GPC6: variants seen among roughly 807,000 people sequenced by gnomAD.
GPC6 encodes the protein glypican-6.
A neutral mutation model predicts 55.2 loss-of-function variants in GPC6; 14 were observed. The ratio of observed to expected loss-of-function variants is 0.25; its 90% confidence interval spans 0.17 to 0.40. The LOEUF (loss-of-function observed/expected upper bound fraction) is 0.40, where lower values mean the gene tolerates loss of function less well. GPC6 is among the 10% of genes least tolerant of loss of function. The probability of loss-of-function intolerance (pLI) is 1.00; values close to 1 mark genes in which losing one functional copy is unlikely to be tolerated. For missense variants in GPC6, 641 were observed against 708.5 expected (o/e 0.90, Z 1.08); for synonymous variants, 278 against 259.6 (o/e 1.07, Z -0.68).
At chr13:93,559,262 C>G (rs943103457) in intron 2 of GPC6, among the ~76,000 whole-genome samples, 5 of 152,094 alleles carry the variant, frequency 3.3e-5, no homozygotes, top group Non-Finnish European at 7.3e-5. Flanking sequence ...ATGATAATAT[C>G]CTGTTCCAAT....
chr13:93,628,292 G>C (rs1306041346), intron 2 of GPC6, among the ~76,000 whole-genome samples: 2 of 152,104 alleles, frequency 1.3e-5, no homozygotes, highest in African/African-American at 4.8e-5. Context: ...ATCCCTGAGG[G>C]CAATGGCACT....
chr13:94,042,206 T>C (rs1228267977), intron 4 of GPC6, among the ~76,000 whole-genome samples: 11 of 151,778 alleles, frequency 7.2e-5, no homozygotes, highest in Admixed American at 7.2e-4. Flanking sequence ...ATATGCCTGC[T>C]TTCCCTTTGC....
chr13:93,898,966 T>TATATATATATATATAC (rs1251225383), intron 3 of GPC6, among the ~76,000 whole-genome samples: 3 of 137,090 alleles, frequency 2.2e-5, no homozygotes, highest in East Asian at 2.0e-4. Flanking sequence ...TATATATATA[T>TATATATATATATATAC]ACACACACAT....
At chr13:93,727,045 G>A (rs1047298846) in intron 2 of GPC6, among the ~76,000 whole-genome samples, 1 of 151,968 alleles carries the variant, frequency 6.6e-6, no homozygotes, top group African/African-American at 2.4e-5. Flanking sequence ...TGAATATTGG[G>A]GACAGTCTTG....
chr13:93,708,145 A>G (rs886266602), intron 2 of GPC6, among the ~76,000 whole-genome samples: 25 of 151,850 alleles, frequency 1.6e-4, no homozygotes, highest in African/African-American at 6.0e-4. Context: ...TTTCATGACA[A>G]GTCTAATTAT....
chr13:93,223,019 C>CTTTT (rs3073915), upstream of GPC6, among the ~76,000 whole-genome samples: 9,821 of 100,488 alleles, frequency 0.098, 968 homozygotes, highest in African/African-American at 0.16. Context: ...AGGGAAAACA[C>CTTTT]TTTTTTTTTT....
At chr13:94,243,540 G>C (rs983958895) in intron 4 of GPC6, among the ~76,000 whole-genome samples, 18 of 152,090 alleles carry the variant, frequency 1.2e-4, no homozygotes, top group African/African-American at 4.3e-4. Flanking sequence ...GCAGGACTGG[G>C]AACATCAAAA....
intron 2 of GPC6, among the ~76,000 whole-genome samples, chr13:93,604,313 G>T (rs1195523818): frequency 6.6e-6 from 1 of 152,192 alleles, no homozygotes; most frequent in East Asian, 1.9e-4. Flanking sequence ...TCATTCGACA[G>T]ATAGCTATTG....
intron 1 of GPC6, among the ~76,000 whole-genome samples, chr13:93,265,253 G>A (rs1877284954): frequency 6.6e-6 from 1 of 152,272 alleles, no homozygotes; most frequent in Admixed American, 6.5e-5. Flanking sequence ...CAATGTGTTT[G>A]TTAAGAGCTA....
intron 6 of GPC6, among the ~76,000 whole-genome samples, chr13:94,342,915 CA>C (rs1186050802): frequency 6.6e-6 from 1 of 152,142 alleles, no homozygotes; most frequent in Non-Finnish European, 1.5e-5. Flanking sequence ...GACACTCTCC[CA>C]AAAGAGATTT....
chr13:94,392,041 C>G (rs1880669320), intron 7 of GPC6, among the ~76,000 whole-genome samples: 1 of 152,178 alleles, frequency 6.6e-6, no homozygotes, highest in Non-Finnish European at 1.5e-5. Context: ...CTCCATTCAT[C>G]CATAAATGGA....
At chr13:94,101,673 A>T (rs917927377) in intron 4 of GPC6, among the ~76,000 whole-genome samples, 2 of 152,144 alleles carry the variant, frequency 1.3e-5, no homozygotes, top group Non-Finnish European at 2.9e-5. Flanking sequence ...TGAACTGATG[A>T]TGAATATATC....
At chr13:94,051,161 A>C (rs148243992) in intron 4 of GPC6, among the ~76,000 whole-genome samples, 1 of 152,290 alleles carries the variant, frequency 6.6e-6, no homozygotes, top group East Asian at 1.9e-4. Flanking sequence ...GTGCCTTAAT[A>C]ATTAGAAAGT....
intron 3 of GPC6, among the ~76,000 whole-genome samples, chr13:93,890,715 A>ATTTTTTT (rs757639517): frequency 2.4e-5 from 3 of 126,438 alleles, no homozygotes; most frequent in East Asian, 2.1e-4. Context: ...AATTTTACTT[A>ATTTTTTT]ATTTTTTTTT....
At chr13:93,543,738 A>T (rs939451442) in intron 1 of GPC6, among the ~76,000 whole-genome samples, 2 of 152,084 alleles carry the variant, frequency 1.3e-5, no homozygotes, top group African/African-American at 4.8e-5. Flanking sequence ...GGGCACCTAG[A>T]CTGATTCCAT....
chr13:94,151,129 G>C (rs949897447), intron 4 of GPC6, among the ~76,000 whole-genome samples: 19 of 152,106 alleles, frequency 1.2e-4, no homozygotes, highest in African/African-American at 3.9e-4. Context: ...GCATTTCCAT[G>C]AAGTGAGGTA....
chr13:93,586,551 G>A (rs1326551682), intron 2 of GPC6, among the ~76,000 whole-genome samples: 1 of 152,118 alleles, frequency 6.6e-6, no homozygotes, highest in East Asian at 1.9e-4. Flanking sequence ...TGGGATAACT[G>A]GCTAGCCATA....
intron 4 of GPC6, among the ~76,000 whole-genome samples, chr13:94,152,559 G>A (rs1332465882): frequency 1.3e-5 from 2 of 151,992 alleles, no homozygotes; most frequent in African/African-American, 2.4e-5. Flanking sequence ...AATAGGAAGA[G>A]CATTACTGAG....
At chr13:94,163,281 T>C (rs892507721) in intron 4 of GPC6, among the ~76,000 whole-genome samples, 5 of 152,130 alleles carry the variant, frequency 3.3e-5, no homozygotes, top group African/African-American at 1.2e-4. Flanking sequence ...TTTTGATAAT[T>C]ATCTACAGTC....
Sources: allele counts gnomAD v4.1 joint callset (sites outside exome capture counted in the v4.1 genomes callset), GRCh38; gene constraint gnomAD v4.1.1; transcripts MANE v1.5; gene names NCBI Gene and HGNC (gene_info 2026-07-23, HGNC 2026-07-21).